PDE12: variants seen among roughly 807,000 people sequenced by gnomAD.
The protein encoded by PDE12 is 2',5'-phosphodiesterase 12.
PDE12 carries 26 observed loss-of-function variants against 45.4 expected under a neutral mutation model. The ratio of observed to expected loss-of-function variants is 0.57; its 90% CI spans 0.42 to 0.79. The LOEUF (loss-of-function observed/expected upper bound fraction) is 0.79, where lower values mean the gene tolerates loss of function less well. Ranked by LOEUF, PDE12 falls within the 30% of genes least tolerant of loss-of-function variation. The probability of loss-of-function intolerance (pLI) is 0.00; values close to 1 mark genes in which losing one functional copy is unlikely to be tolerated. For synonymous variants in PDE12, 283 were observed against 323.9 expected (o/e 0.87, Z 1.36); for missense variants, 668 against 790.0 (o/e 0.85, Z 1.85).
At chr3:57,636,739 C>T in the PDE12 span, among the ~76,000 whole-genome samples, 1 of 151,940 alleles carries the variant, frequency 6.6e-6, no homozygotes, top group East Asian at 1.9e-4. Flanking sequence ...GAGTTCCAGA[C>T]CATCCTGGCC....
chr3:57,611,778 C>T, the PDE12 span, among the ~76,000 whole-genome samples: 5 of 152,306 alleles, frequency 3.3e-5, no homozygotes, highest in Admixed American at 2.0e-4. Flanking sequence ...CACTTTTACA[C>T]TGTTGGTGGG....
At chr3:57,618,607 G>GTTTTTTTTTTTTTTTTT in the PDE12 span, among the ~76,000 whole-genome samples, 56 of 79,396 alleles carry the variant, frequency 7.1e-4, 1 homozygote, top group East Asian at 1.6e-3. Flanking sequence ...TTGCTTTTGT[G>GTTTTTTTTTTTTTTTTT]TTTTTTTTTT....
chr3:57,616,154 C>G, the PDE12 span, among the ~76,000 whole-genome samples: 10 of 152,146 alleles, frequency 6.6e-5, no homozygotes, highest in Middle Eastern at 6.8e-3. Context: ...AAAACCTCAT[C>G]TCTACAAAAA....
the PDE12 span, among the ~76,000 whole-genome samples, chr3:57,643,230 G>C: frequency 6.6e-6 from 1 of 152,208 alleles, no homozygotes; most frequent in African/African-American, 2.4e-5. Context: ...TTACAAAGGA[G>C]AAATTTATGA....
downstream of PDE12, among the ~76,000 whole-genome samples, chr3:57,568,393 T>A (rs2069805415): frequency 6.6e-6 from 1 of 151,912 alleles, no homozygotes; most frequent in Non-Finnish European, 1.5e-5. Flanking sequence ...AGGTTGAGGC[T>A]GCAGTGAGCT....
chr3:57,561,741 C>T lies in PDE12; in HGVS notation c.*1737C>T, dbSNP rs923663830. ...ATTCTTTAATCTCTGAACCTAGTAT[C>T]ATAAGAATTTCCTCTTTTGATAACA... On this transcript the variant is annotated 3_prime_UTR_variant, in exon 3 of 3. Transcript: ENST00000311180. 3.6e-5 allele frequency: 35 copies of T among 984,710 alleles called. No homozygotes were observed. In the African/African-American group the frequency reaches 5.4e-4, roughly 15 times the overall value. 61.0% of individuals were successfully genotyped at this position (984,710 alleles called of 1,614,324 possible).
chr3:57,575,435 G>A, the PDE12 span: 3 of 1,060,068 alleles, frequency 2.8e-6, no homozygotes, highest in Non-Finnish European at 2.5e-6. Flanking sequence ...TAAATGATGT[G>A]CTCATTATTT....
chr3:57,610,348 C>T, the PDE12 span, among the ~76,000 whole-genome samples: 12 of 152,254 alleles, frequency 7.9e-5, no homozygotes, highest in African/African-American at 2.2e-4. Flanking sequence ...CCTCTCTCAC[C>T]GCTCCTATTC....
the PDE12 span, chr3:57,654,773 C>G: frequency 3.0e-6 from 3 of 985,334 alleles, no homozygotes; most frequent in Non-Finnish European, 3.6e-6. Context: ...CTCTGCTACT[C>G]AAATTCAAAT....
At chr3:57,577,753 C>T in the PDE12 span, among the ~76,000 whole-genome samples, 6 of 152,040 alleles carry the variant, frequency 3.9e-5, no homozygotes, top group Non-Finnish European at 8.8e-5. Context: ...CCTAAAGAAT[C>T]GTGAATTTGG....
At chr3:57,628,692 T>C in the PDE12 span, 9 of 1,045,456 alleles carry the variant, frequency 8.6e-6, 1 homozygote, top group South Asian at 1.3e-4. Flanking sequence ...ATTGACCAAT[T>C]TCAAGCCCTC....
At chr3:57,634,818 T>C in the PDE12 span, 3 of 1,423,418 alleles carry the variant, frequency 2.1e-6, no homozygotes, top group Non-Finnish European at 2.8e-6. Context: ...ATCATACATA[T>C]TACAAAATTG....
chr3:57,587,828 A>G, the PDE12 span, among the ~76,000 whole-genome samples: 1 of 152,214 alleles, frequency 6.6e-6, no homozygotes, highest in Non-Finnish European at 1.5e-5. Flanking sequence ...TTACAAGACA[A>G]CAGTTTAATG....
the PDE12 span, among the ~76,000 whole-genome samples, chr3:57,616,380 G>T: frequency 9.5e-5 from 14 of 146,648 alleles, 1 homozygote; most frequent in Admixed American, 8.8e-4. Context: ...AGGCAGGGGG[G>T]AGGAGGAGAA....
chr3:57,565,952 T>C lies in PDE12; in HGVS notation c.*5948T>C, dbSNP rs1349837831. ...TCCTCAGAAAAGCTGGGCTATAGTG[T>C]TTTGGGTATCTTAAACCAAGAAAGG... On this transcript the variant is annotated 3_prime_UTR_variant, in exon 3 of 3. Coordinates refer to ENST00000311180, the MANE Select transcript of PDE12 (RefSeq NM_177966.7). 1 of 152,162 alleles carries C rather than the reference T, an allele frequency of 6.6e-6. No homozygotes were observed. The highest frequency in any genetic ancestry group is 1.5e-5 in the Non-Finnish European group (1 of 68,040). The allele number at this position is 152,162 out of a possible 1,614,324, so 9.4% of individuals were successfully genotyped here.
the PDE12 span, among the ~76,000 whole-genome samples, chr3:57,615,638 T>C: frequency 1.3e-5 from 2 of 152,026 alleles, no homozygotes. Context: ...ACCTCGTCTC[T>C]ACTAAAAACT....
At chr3:57,624,371 C>T in the PDE12 span, among the ~76,000 whole-genome samples, 2 of 151,976 alleles carry the variant, frequency 1.3e-5, no homozygotes, top group African/African-American at 4.8e-5. Flanking sequence ...AGGATGGTCT[C>T]GATCTCCTGA....
the PDE12 span, among the ~76,000 whole-genome samples, chr3:57,595,688 C>G: frequency 6.6e-6 from 1 of 152,152 alleles, no homozygotes; most frequent in African/African-American, 2.4e-5. Flanking sequence ...GTGGCTCACG[C>G]CTGTAATCCC....
the PDE12 span, chr3:57,645,815 T>G: frequency 7.8e-7 from 1 of 1,285,892 alleles, no homozygotes; most frequent in Non-Finnish European, 1.1e-6. Flanking sequence ...TCCTAATCTA[T>G]AACTAGAAAA....
Sources: gnomAD v4.1 joint callset for allele counts (sites outside exome capture counted in the v4.1 genomes callset) on GRCh38, gnomAD v4.1.1 for gene constraint, MANE v1.5 for transcripts, NCBI Gene and HGNC (gene_info 2026-07-23, HGNC 2026-07-21) for gene names.